The following WWC2 variants were observed in gnomAD, a reference collection of about 807,000 sequenced individuals.
WWC2 encodes protein WWC2.
In WWC2, 101 loss-of-function variants were observed where a neutral mutation model predicts 138.5. That is an observed-to-expected ratio of 0.73 (90% CI 0.62 to 0.86). The LOEUF is 0.86. Ranked by LOEUF, WWC2 falls within the 40% of genes least tolerant of loss-of-function variation. The probability of loss-of-function intolerance (pLI) is 0.00; values close to 1 mark genes in which losing one functional copy is unlikely to be tolerated. For synonymous variants in WWC2, 558 were observed against 538.4 expected, an observed-to-expected ratio of 1.04 and a Z score of -0.50; for missense variants, 1,420 against 1,419.4, an observed-to-expected ratio of 1.00 and a Z score of -0.01.
Position 183,099,331 on chromosome 4 carries a change from C to T in WWC2, c.-161C>T. On this transcript the variant is annotated 5_prime_UTR_variant, in exon 1 of 23. Coordinates refer to ENST00000403733, the MANE Select transcript of WWC2 (RefSeq NM_024949.6). ...GGGCCGCGAACAGCGTTTCCTGAGGCACCTCCCGCGCGTGGTTCCGCCGCG... is the reference window on the plus strand; with the variant it reads ...GGGCCGCGAACAGCGTTTCCTGAGGTACCTCCCGCGCGTGGTTCCGCCGCG... The T allele has an allele frequency of 1.6e-6, 1 of 612,198 alleles. No homozygotes were observed. The highest frequency in any genetic ancestry group is 2.2e-6 in the Non-Finnish European group (1 of 454,304). The allele number at this position is 612,198 out of a possible 1,614,324, so 37.9% of individuals were successfully genotyped here.
At chr4:183,142,866 A>G (rs1004238973) in intron 1 of WWC2, among the ~76,000 whole-genome samples, 1 of 152,218 alleles carries the variant, frequency 6.6e-6, no homozygotes, top group Non-Finnish European at 1.5e-5. Flanking sequence ...GCAAAACACA[A>G]ATGTTCAACT....
At chr4:183,314,103 C>A (rs1560901207) in intron 22 of WWC2, among the ~76,000 whole-genome samples, 1 of 152,014 alleles carries the variant, frequency 6.6e-6, no homozygotes, top group African/African-American at 2.4e-5. Flanking sequence ...GGGCCACGGA[C>A]CGTGTGGCAG....
chr4:183,179,067 AACTT>A (rs1213089204), intron 1 of WWC2, among the ~76,000 whole-genome samples: 1 of 152,256 alleles, frequency 6.6e-6, no homozygotes, highest in Non-Finnish European at 1.5e-5. Context: ...AATTTAAAAA[AACTT>A]ACTATTAAAA....
intron 9 of WWC2, among the ~76,000 whole-genome samples, chr4:183,257,056 G>A (rs1737174576): frequency 6.6e-6 from 1 of 152,120 alleles, no homozygotes; most frequent in Admixed American, 6.5e-5. Context: ...AAACCATGCA[G>A]GGAAGGTGTT....
At chr4:183,187,894 TAA>T (rs1266669955) in intron 1 of WWC2, among the ~76,000 whole-genome samples, 1 of 144,436 alleles carries the variant, frequency 6.9e-6, no homozygotes, top group South Asian at 2.2e-4. Flanking sequence ...TACATAAAAA[TAA>T]AAAAAAAAGA....
At chr4:183,284,178 T>C (rs767994445) in intron 18 of WWC2, 48 bp from the exon 19 acceptor site, 3 of 1,598,108 alleles carry the variant, frequency 1.9e-6, no homozygotes, top group East Asian at 4.5e-5. Flanking sequence ...AGGAGCATAA[T>C]GTTTACACAT....
chr4:183,313,732 C>T (rs760510588), intron 22 of WWC2, among the ~76,000 whole-genome samples: 10 of 151,046 alleles, frequency 6.6e-5, no homozygotes, highest in Non-Finnish European at 1.5e-4. Context: ...CTGAAGGGCT[C>T]GCCCCAAAAG....
At chr4:183,138,805 A>T (rs17277009) in intron 1 of WWC2, among the ~76,000 whole-genome samples, 4,642 of 152,132 alleles carry the variant, frequency 0.031, 92 homozygotes, top group Non-Finnish European at 0.037. Flanking sequence ...TTTTTTAAGT[A>T]ACACATTTAG....
At chr4:183,134,376 C>A (rs1033139248) in intron 1 of WWC2, among the ~76,000 whole-genome samples, 12 of 150,792 alleles carry the variant, frequency 8.0e-5, no homozygotes, top group South Asian at 4.2e-4. Context: ...ATGGTCTTTT[C>A]TCTTTAAAAG....
chr4:183,164,152 C>T (rs1399229352), intron 1 of WWC2, among the ~76,000 whole-genome samples: 1 of 151,112 alleles, frequency 6.6e-6, no homozygotes, highest in Non-Finnish European at 1.5e-5. Context: ...TCACCTTCTG[C>T]TCTAATTTCA....
At chr4:183,185,464 A>C (rs998735462) in intron 1 of WWC2, among the ~76,000 whole-genome samples, 1 of 152,242 alleles carries the variant, frequency 6.6e-6, no homozygotes, top group African/African-American at 2.4e-5. Context: ...AAAAGAGGAA[A>C]GTATTTTTCA....
chr4:183,255,163 T>C (rs1053845585), intron 9 of WWC2, among the ~76,000 whole-genome samples: 1 of 152,200 alleles, frequency 6.6e-6, no homozygotes, highest in South Asian at 2.1e-4. Flanking sequence ...TGAACTATAA[T>C]CTTCTGCCCT....
chr4:183,227,809 C>T (rs1051811453), intron 4 of WWC2, among the ~76,000 whole-genome samples: 2 of 152,098 alleles, frequency 1.3e-5, no homozygotes, highest in East Asian at 1.9e-4. Flanking sequence ...ATCTTCCATA[C>T]ATATAGGTGA....
intron 1 of WWC2, among the ~76,000 whole-genome samples, chr4:183,188,425 A>G (rs2111199380): frequency 6.6e-6 from 1 of 152,056 alleles, no homozygotes; most frequent in East Asian, 1.9e-4. Context: ...TTTAGTAGCG[A>G]TGGATTTTCA....
Position 183,318,204 on chromosome 4 carries a change from C to T in WWC2, c.*2475C>T, listed in dbSNP as rs1418670731. 6.6e-6 allele frequency: 1 copy of T among 152,534 alleles called. No individual in the cohort carries two copies. The highest frequency in any genetic ancestry group is 2.4e-5 in the African/African-American group (1 of 41,416). The allele number at this position is 152,534 out of a possible 1,614,324, so 9.4% of individuals were successfully genotyped here. A position where few individuals can be genotyped will look rare whatever the true frequency, so the allele number is the denominator to read the frequency against. ...TTATTACAATTTTGTATATCAGAAT[C>T]TTAAGTGTTACAGGTACAAAAAGAA... On this transcript the variant is annotated 3_prime_UTR_variant, in exon 23 of 23. Coordinates refer to ENST00000403733, the MANE Select transcript of WWC2 (RefSeq NM_024949.6).
Position 183,145,342 on chromosome 4 carries a change from TA to T in WWC2, c.131+45721del, listed in dbSNP as rs552362168. Among the ~76,000 whole-genome samples, 197 of 150,286 alleles carry T rather than the reference TA, an allele frequency of 1.3e-3. 1 individual carries two copies. Among genetic ancestry groups the T allele is most frequent in the African/African-American group, 3.5e-3 (141 of 39,914 alleles). On this transcript the variant is annotated intron_variant, in intron 1 of 22. Transcript: ENST00000403733. ...TATTTGAAAGTATATTTAGAAGGAT[TA>T]TTTTTTTTATTGTTAAAAAGATGAT...
intron 2 of WWC2, among the ~76,000 whole-genome samples, chr4:183,199,995 C>T (rs1033539525): frequency 3.9e-5 from 6 of 152,170 alleles, no homozygotes; most frequent in South Asian, 2.1e-4. Context: ...GCAAATACAA[C>T]GATGGAGATG....
chr4:183,272,798 T>C (rs1304864374), intron 16 of WWC2, among the ~76,000 whole-genome samples: 7 of 152,256 alleles, frequency 4.6e-5, no homozygotes, highest in Non-Finnish European at 1.0e-4. Flanking sequence ...TTATTCCTTT[T>C]TATTCACACA....
intron 4 of WWC2, among the ~76,000 whole-genome samples, chr4:183,219,453 A>G (rs1017716766): frequency 2.0e-5 from 3 of 152,242 alleles, no homozygotes; most frequent in African/African-American, 7.2e-5. Context: ...CCACCTGGAA[A>G]TTTGGATCTA....
Sources: gnomAD v4.1 joint callset for allele counts (sites outside exome capture counted in the v4.1 genomes callset) on GRCh38, gnomAD v4.1.1 for gene constraint, MANE v1.5 for transcripts, NCBI Gene and HGNC (gene_info 2026-07-23, HGNC 2026-07-21) for gene names.